B4GALNT2: variants seen among roughly 807,000 people sequenced by gnomAD.
The protein encoded by B4GALNT2 is beta-1,4-N-acetyl-galactosaminyltransferase 2 (SID blood group), also known as N-acetylneuraminylgalactosylglucosyl-glucoside beta-1,4-N- acetylgalactosaminyltransferase 2.
A neutral mutation model predicts 51.1 loss-of-function variants in B4GALNT2; 42 were observed. The observed-to-expected ratio is 0.82, with a 90% CI of 0.64 to 1.06. The LOEUF is 1.06. Among genes scored for constraint, B4GALNT2 ranks in the 50% least tolerant of loss-of-function variants. B4GALNT2 has a pLI of 0.00. For missense variants in B4GALNT2, 602 were observed against 633.6 expected (o/e 0.95, Z 0.54); for synonymous variants, 253 against 251.7 (o/e 1.01, Z -0.05).
chr17:49,125,938 G>T, the B4GALNT2 span, among the ~76,000 whole-genome samples: 1 of 146,468 alleles, frequency 6.8e-6, no homozygotes, highest in Non-Finnish European at 1.5e-5. Context: ...GCCTCTGCCC[G>T]ACCGCCCCTA....
chr17:49,168,779 A>G lies in B4GALNT2; in HGVS notation c.1194A>G (p.Gln398=). The G allele has an allele frequency of 1.2e-6, 2 of 1,613,962 alleles. No individual in the cohort carries two copies. The highest frequency in any genetic ancestry group is 1.7e-6 in the Non-Finnish European group (2 of 1,179,996). ...TTCACAAGAGGATGGGATTTTTCCA[A>G]CCCCTGGATGGCTTCCCCAGCTGCG... ...ACLHKRMGFF[Q]PLDGFPSCVV... The change falls in exon 10 of 11, where the codon CAA becomes CAG. Residue 398 remains glutamine (Q), a synonymous_variant. Transcript: ENST00000393354.
In B4GALNT2 at chr17:49,164,265, C is replaced by A; in HGVS notation, c.944C>A (p.Pro315His). 1 of 1,612,026 alleles carries A rather than the reference C, an allele frequency of 6.2e-7. No homozygotes were observed. Among genetic ancestry groups the A allele is most frequent in the Non-Finnish European group, 8.5e-7 (1 of 1,178,174 alleles). ...AATCACGTGGAGTATTACACTATGC[C>A]CTTTGGGAAGGTATGTCCCTCTCAG... is the stretch of plus-strand genomic sequence containing the variant. ...KDNHVEYYTM[P>H]FGKGWFAGRN... is the part of the protein sequence containing the mutation. Residue 315 changes from proline to histidine, a missense_variant, in exon 8 of 11, where the codon CCC becomes CAC. Physicochemically the swap from Pro to His is moderately conservative, Grantham distance 77. Transcript: ENST00000393354.
rs544351795 is a variant in B4GALNT2, at chr17:49,174,621, A to C, written c.*4893A>C. ...TTTTTCTTAATTATAAAAACTGGAG[A>C]GTTCCAAGGGGAAAATGTTGGAGCT... On this transcript the variant is annotated 3_prime_UTR_variant, in exon 11 of 11. Transcript: ENST00000393354. 2.0e-5 allele frequency: 3 copies of C among 152,306 alleles called. No individual in the cohort carries two copies. Among genetic ancestry groups the C allele is most frequent in the African/African-American group, 7.2e-5 (3 of 41,570 alleles). The allele number at this position is 152,306 out of a possible 1,614,324, so 9.4% of individuals were successfully genotyped here.
At chr17:49,151,090 T>TTGCTG in intron 3 of B4GALNT2, among the ~76,000 whole-genome samples, 1 of 474 alleles carries the variant, frequency 2.1e-3, no homozygotes, top group African/African-American at 5.2e-3. Flanking sequence ...AAAGCTAATC[T>TTGCTG]TAGGCCGGGC....
the B4GALNT2 span, among the ~76,000 whole-genome samples, chr17:49,124,831 A>G: frequency 3.3e-4 from 50 of 152,348 alleles, no homozygotes; most frequent in South Asian, 2.1e-4. Context: ...TAGTGCTTTA[A>G]GAGAAACCTG....
intron 4 of B4GALNT2, among the ~76,000 whole-genome samples, chr17:49,154,687 A>G (rs1294624437): frequency 6.6e-6 from 1 of 152,040 alleles, no homozygotes; most frequent in East Asian, 1.9e-4. Context: ...CCTGAATTTC[A>G]CAAACCACAT....
intron 1 of B4GALNT2, 190 bp downstream of exon 1, chr17:49,132,996 G>T: frequency 2.8e-6 from 4 of 1,449,224 alleles, no homozygotes; most frequent in Non-Finnish European, 3.6e-6. Context: ...AGGTGACGGC[G>T]CGTGCGGAAC....
chr17:49,150,568 T>C (rs12449837), intron 3 of B4GALNT2, among the ~76,000 whole-genome samples: 23,830 of 150,790 alleles, frequency 0.16, 2,137 homozygotes, highest in East Asian at 0.42. Flanking sequence ...TTTCATTTTG[T>C]TCTGTACTAA....
At chr17:49,164,736 G>T (rs1357778471) in intron 8 of B4GALNT2, among the ~76,000 whole-genome samples, 1 of 151,716 alleles carries the variant, frequency 6.6e-6, no homozygotes, top group African/African-American at 2.4e-5. Context: ...CTTGTCCTTA[G>T]GTGATCCGCC....
chr17:49,129,071 G>A (rs150891380), upstream of B4GALNT2, among the ~76,000 whole-genome samples: 1,155 of 152,280 alleles, frequency 7.6e-3, 6 homozygotes, highest in Non-Finnish European at 0.011. Context: ...AAAGGGGAAG[G>A]CAGATCTTAC....
intron 4 of B4GALNT2, among the ~76,000 whole-genome samples, chr17:49,153,319 G>A (rs2042777365): frequency 6.6e-6 from 1 of 151,896 alleles, no homozygotes; most frequent in Non-Finnish European, 1.5e-5. Context: ...TGGGGTTGAA[G>A]CAGAAGGGTT....
upstream of B4GALNT2, among the ~76,000 whole-genome samples, chr17:49,130,753 C>T (rs536600966): frequency 6.6e-6 from 1 of 152,250 alleles, no homozygotes; most frequent in East Asian, 1.9e-4. Context: ...CCTATGTATT[C>T]CTTCTAGGGT....
intron 4 of B4GALNT2, among the ~76,000 whole-genome samples, chr17:49,154,303 G>T (rs1014165336): frequency 1.3e-5 from 2 of 152,052 alleles, no homozygotes; most frequent in Admixed American, 1.3e-4. Flanking sequence ...GCCTGGCCGG[G>T]AGTGCATTGT....
chr17:49,141,177 TCA>T, intron 1 of B4GALNT2, 68 bp from the exon 2 acceptor site: 1 of 1,418,728 alleles, frequency 7.0e-7, no homozygotes, highest in Non-Finnish European at 1.0e-6. Context: ...CCTGAAATTA[TCA>T]GTCTCATATA....
In B4GALNT2 at chr17:49,175,318, C is replaced by G. The variant is rs2042980787; in HGVS notation, c.*5590C>G. ...CCAAATTCTCCTATTCGTTTAATTTCACTTTTCCCCATTTCCACATACGGC... is the reference window on the plus strand; with the variant it reads ...CCAAATTCTCCTATTCGTTTAATTTGACTTTTCCCCATTTCCACATACGGC... On this transcript the variant is annotated 3_prime_UTR_variant, in exon 11 of 11. Coordinates refer to ENST00000393354, the MANE Select transcript of B4GALNT2 (RefSeq NM_001159387.2). The G allele has an allele frequency of 6.6e-6, 1 of 152,166 alleles. No individual in the cohort carries two copies. Among genetic ancestry groups the G allele is most frequent in the African/African-American group, 2.4e-5 (1 of 41,416 alleles). 9.4% of individuals were successfully genotyped at this position (152,166 alleles called of 1,614,324 possible).
chr17:49,132,958 G>C, intron 1 of B4GALNT2, 152 bp downstream of exon 1: 1 of 1,405,454 alleles, frequency 7.1e-7, no homozygotes, highest in East Asian at 3.0e-5. Context: ...AGTCCAACCG[G>C]TTCCCCGCAT....
chr17:49,170,620 T>A lies in B4GALNT2; in HGVS notation c.*892T>A, dbSNP rs1442426890. On this transcript the variant is annotated 3_prime_UTR_variant, in exon 11 of 11. Coordinates refer to ENST00000393354, the MANE Select transcript of B4GALNT2 (RefSeq NM_001159387.2). ...TCACTCTGTTGTTGGATAAGCCTCTTTCTGTTGCCTGGGGGTTGGCAGATT... is the reference window on the plus strand; with the variant it reads ...TCACTCTGTTGTTGGATAAGCCTCTATCTGTTGCCTGGGGGTTGGCAGATT... 6.6e-6 allele frequency: 1 copy of A among 152,280 alleles called. No individual in the cohort carries two copies. Among genetic ancestry groups the A allele is most frequent in the East Asian group, 1.9e-4 (1 of 5,198 alleles). The allele number at this position is 152,280 out of a possible 1,614,324, so 9.4% of individuals were successfully genotyped here.
intron 3 of B4GALNT2, among the ~76,000 whole-genome samples, chr17:49,150,517 G>A (rs886783425): frequency 6.6e-6 from 1 of 152,090 alleles, no homozygotes; most frequent in Non-Finnish European, 1.5e-5. Flanking sequence ...GAAATCGGAT[G>A]GTTGCCGTGT....
chr17:49,127,712 T>G (rs1362993352), upstream of B4GALNT2, among the ~76,000 whole-genome samples: 1 of 152,212 alleles, frequency 6.6e-6, no homozygotes. Flanking sequence ...GAAAACAGTT[T>G]CCAGGGCCTA....
Sources: allele counts gnomAD v4.1 joint callset (sites outside exome capture counted in the v4.1 genomes callset), GRCh38; gene constraint gnomAD v4.1.1; transcripts MANE v1.5; gene names NCBI Gene and HGNC (gene_info 2026-07-23, HGNC 2026-07-21).